Variants in SYCP2L observed in about 807,000 individuals in gnomAD.
SYCP2L encodes synaptonemal complex protein 2 like.
A neutral mutation model predicts 125.8 loss-of-function variants in SYCP2L; 98 were observed. The ratio of observed to expected loss-of-function variants is 0.78; its 90% confidence interval spans 0.66 to 0.92. The LOEUF (loss-of-function observed/expected upper bound fraction) is 0.92, where lower values mean the gene tolerates loss of function less well. Among genes scored for constraint, SYCP2L ranks in the 40% least tolerant of loss-of-function variants. The pLI, the probability that SYCP2L is intolerant of heterozygous loss-of-function variation, is 0.00. For missense variants in SYCP2L, 842 were observed against 936.4 expected (o/e 0.90, Z 1.32); for synonymous variants, 317 against 325.4 (o/e 0.97, Z 0.28).
At chr6:10,900,645 G>T (rs74571127) in intron 6 of SYCP2L, among the ~76,000 whole-genome samples, 1 of 152,030 alleles carries the variant, frequency 6.6e-6, no homozygotes, top group Non-Finnish European at 1.5e-5. Context: ...GAGCCATCGC[G>T]CCTAGACGGA....
At chr6:10,894,039 GTATAATTATT>G in intron 3 of SYCP2L, 35 bp downstream of exon 3, 2 of 1,603,256 alleles carry the variant, frequency 1.2e-6, no homozygotes, top group Non-Finnish European at 1.7e-6. Context: ...AAATACAAAT[GTATAATTATT>G]TATAAGTGTT....
chr6:10,946,717 G>A (rs182973067), intron 23 of SYCP2L, among the ~76,000 whole-genome samples: 51 of 151,902 alleles, frequency 3.4e-4, no homozygotes, highest in African/African-American at 1.2e-3. Context: ...ATTCTTCAAA[G>A]GTAATTTGTC....
At chr6:10,963,656 G>T (rs1781628289) in intron 28 of SYCP2L, 126 bp from the exon 29 acceptor site, 4 of 849,844 alleles carry the variant, frequency 4.7e-6, no homozygotes, top group African/African-American at 1.7e-5. Context: ...TGGGGTGTTG[G>T]TGTCTATAAT....
chr6:10,946,836 T>A (rs1781322200), intron 23 of SYCP2L, among the ~76,000 whole-genome samples: 1 of 152,056 alleles, frequency 6.6e-6, no homozygotes, highest in South Asian at 2.1e-4. Flanking sequence ...AGATAAACCT[T>A]TTTGTTTATC....
Position 10,887,083 on chromosome 6 carries a change from C to G in SYCP2L, c.-44C>G. 6.2e-7 allele frequency: 1 copy of G among 1,613,948 alleles called. No individual in the cohort carries two copies. The highest frequency in any genetic ancestry group is 8.5e-7 in the Non-Finnish European group (1 of 1,179,932). On this transcript the variant is annotated 5_prime_UTR_variant, in exon 1 of 30. Transcript: ENST00000283141. The stretch of plus-strand genomic sequence containing the variant: ...GCAGGAGAGGGCCGACCGAGCGCAA[C>G]AAAGCTGAGCGGCGCGTCGCTTCAG...
intron 5 of SYCP2L, among the ~76,000 whole-genome samples, chr6:10,898,600 G>A (rs181034773): frequency 3.3e-5 from 5 of 152,276 alleles, no homozygotes; most frequent in Admixed American, 2.0e-4. Flanking sequence ...TGTTAAAAAT[G>A]AGAGGTGATT....
At position 10,910,123 on chromosome 6, in the gene SYCP2L, A is replaced by G. The variant is rs1463841096; in HGVS notation, c.820-25A>G. 4 of 1,604,178 alleles carry G rather than the reference A, an allele frequency of 2.5e-6. No homozygotes were observed. In the African/African-American group the frequency reaches 4.0e-5, roughly 16 times the overall value. ...AAGACATCTTGATTTTTTTTTAATA[A>G]AAGTTTATATCATTTGCTTTGAAGG... is the stretch of plus-strand genomic sequence containing the variant. On this transcript the variant is annotated intron_variant, in intron 10 of 29. Coordinates refer to ENST00000283141, the MANE Select transcript of SYCP2L (RefSeq NM_001040274.3).
chr6:10,920,823 C>T (rs1211093367), intron 14 of SYCP2L, among the ~76,000 whole-genome samples: 2 of 144,950 alleles, frequency 1.4e-5, no homozygotes, highest in Non-Finnish European at 3.0e-5. Context: ...GTTATAATTG[C>T]GTTCCTTTTT....
At chr6:10,967,379 A>G (rs1781700091) in intron 29 of SYCP2L, among the ~76,000 whole-genome samples, 1 of 152,058 alleles carries the variant, frequency 6.6e-6, no homozygotes, top group South Asian at 2.1e-4. Context: ...TCAGTCTCAA[A>G]TGAACATAAA....
intron 24 of SYCP2L, 70 bp from the exon 25 acceptor site, chr6:10,956,066 C>T: frequency 7.8e-7 from 1 of 1,279,614 alleles, no homozygotes; most frequent in South Asian, 1.3e-5. Context: ...CTCTGGGCAA[C>T]TGATGAATTG....
intron 21 of SYCP2L, among the ~76,000 whole-genome samples, chr6:10,937,112 T>C: frequency 6.6e-6 from 1 of 152,152 alleles, no homozygotes; most frequent in East Asian, 1.9e-4. Flanking sequence ...TACAGAACAT[T>C]CCATCTAACA....
At chr6:10,891,662 T>TATATGA in intron 2 of SYCP2L, 81 bp downstream of exon 2, 11 of 855,570 alleles carry the variant, frequency 1.3e-5, no homozygotes, top group Admixed American at 4.9e-5. Context: ...TGTGTGTGTG[T>TATATGA]GTATGTGTAT....
intron 10 of SYCP2L, among the ~76,000 whole-genome samples, chr6:10,908,636 G>A (rs9366669): frequency 0.19 from 29,393 of 152,154 alleles, 3,563 homozygotes; most frequent in East Asian, 0.32. Context: ...CAGTACTCAT[G>A]TTGACAAACC....
At chr6:10,963,681 G>A in intron 28 of SYCP2L, 101 bp from the exon 29 acceptor site, 2 of 1,146,842 alleles carry the variant, frequency 1.7e-6, no homozygotes, top group Admixed American at 3.8e-5. Context: ...TAATATAATG[G>A]TCTGTGAAAT....
chr6:10,942,617 CA>C (rs1254300617), intron 22 of SYCP2L, 59 bp from the exon 23 acceptor site: 1 of 1,596,670 alleles, frequency 6.3e-7, no homozygotes, highest in African/African-American at 1.3e-5. Flanking sequence ...CTGACGAGTA[CA>C]CCACTTGTTT....
Position 10,893,889 on chromosome 6 carries a change from C to A in SYCP2L, c.101C>A (p.Ala34Glu), listed in dbSNP as rs768792885. 7.1e-5 allele frequency: 115 copies of A among 1,609,286 alleles called. No homozygotes were observed. Among genetic ancestry groups the A allele is most frequent in the Admixed American group, 4.4e-4 (26 of 58,904 alleles). ...AFWLQSLITD[A>E]FHDKGFQKIK... Reference sequence around the variant, plus strand: ...CAGCTTCAATCACTTATTACGGATGCATTCCATGATAAAGGATTTCAGAAA... The same window carrying A: ...CAGCTTCAATCACTTATTACGGATGAATTCCATGATAAAGGATTTCAGAAA... The change falls in exon 3 of 30, where the codon GCA (alanine) becomes GAA (glutamate). Residue 34 changes from alanine (A) to glutamate (E), a missense_variant. By Grantham distance (107) the Ala-to-Glu change is moderately radical. Transcript: ENST00000283141.
rs1455612332 is a variant in SYCP2L, at chr6:10,954,411, G to T, written c.1955-705G>T. ...TGGCTTTGGGCAGGAACTCAGAGAG[G>T]GAGGGATTCATTCCATAGGCAGAAC... On this transcript the variant is annotated intron_variant, in intron 23 of 29. Transcript: ENST00000283141. This position sits in a 1 kb window ranked among gnomAD's most constrained non-coding sequence, Gnocchi z 4.8. Among the ~76,000 whole-genome samples, 1 of 152,150 alleles carries T rather than the reference G, an allele frequency of 6.6e-6. No individual in the cohort carries two copies. Among genetic ancestry groups the T allele is most frequent in the Non-Finnish European group, 1.5e-5 (1 of 68,014 alleles).
chr6:10,972,880 A>G (rs1017643647), intron 29 of SYCP2L, among the ~76,000 whole-genome samples: 1 of 152,126 alleles, frequency 6.6e-6, no homozygotes, highest in African/African-American at 2.4e-5. Context: ...GCCCAAGCTG[A>G]TAGATTTTGT....
At chr6:10,953,216 TTTTC>T (rs1394654224) in intron 23 of SYCP2L, among the ~76,000 whole-genome samples, 2 of 152,190 alleles carry the variant, frequency 1.3e-5, no homozygotes, top group African/African-American at 4.8e-5. Context: ...TCATTTATAA[TTTTC>T]TTTTTTTCCA....
Sources: gnomAD v4.1 joint callset for allele counts (sites outside exome capture counted in the v4.1 genomes callset) on GRCh38, gnomAD v4.1.1 for gene constraint, Gnocchi (gnomAD v3.1) non-coding constraint, MANE v1.5 for transcripts, NCBI Gene and HGNC (gene_info 2026-07-23, HGNC 2026-07-21) for gene names.